The following ADAMTSL3 variants were observed in gnomAD, a reference collection of about 807,000 sequenced individuals.
The protein encoded by ADAMTSL3 is ADAMTS like 3, also known as ADAMTS-like protein 3.
In ADAMTSL3, 128 loss-of-function variants were observed where a neutral mutation model predicts 201.7. That is an observed-to-expected ratio of 0.63 (90% CI 0.55 to 0.73). The LOEUF is 0.73. Ranked by LOEUF, ADAMTSL3 falls within the 30% of genes least tolerant of loss-of-function variation. ADAMTSL3 has a pLI of 0.00. For missense variants in ADAMTSL3, 1,990 were observed against 2,119.6 expected (o/e 0.94, Z 1.20); for synonymous variants, 738 against 748.4 (o/e 0.99, Z 0.23).
Position 83,693,903 on chromosome 15 carries a change from A to G in ADAMTSL3, c.70-10486A>G, listed in dbSNP as rs573468817. 2.9e-3 allele frequency among the ~76,000 whole-genome samples: 446 copies of G among 152,008 alleles called. 1 individual carries two copies. Among genetic ancestry groups the G allele is most frequent in the African/African-American group, 0.01 (435 of 41,444 alleles). ...TGTGAACCCCAAGAATTAACCTAAC[A>G]CTCCATTCTTTTGAGATTCTCCCCC... On this transcript the variant is annotated intron_variant, in intron 2 of 29. Transcript: ENST00000286744.
intron 3 of ADAMTSL3, among the ~76,000 whole-genome samples, chr15:83,762,056 AT>A (rs11448050): frequency 1.0e-3 from 147 of 145,032 alleles, no homozygotes; most frequent in South Asian, 1.1e-3. Flanking sequence ...CCAGAATATG[AT>A]TTTTTTTTTT....
intron 3 of ADAMTSL3, among the ~76,000 whole-genome samples, chr15:83,728,080 A>G (rs1023160821): frequency 6.6e-6 from 1 of 151,894 alleles, no homozygotes; most frequent in Non-Finnish European, 1.5e-5. Context: ...TAATTGTTAT[A>G]TCCTCTTGGT....
chr15:83,942,257 T>C (rs1287582945), intron 17 of ADAMTSL3, among the ~76,000 whole-genome samples: 1 of 152,216 alleles, frequency 6.6e-6, no homozygotes, highest in Non-Finnish European at 1.5e-5. Flanking sequence ...TTGACACCTA[T>C]ATAAATCATC....
chr15:83,988,803 T>A lies in ADAMTSL3; in HGVS notation c.3829T>A (p.Ser1277Thr). The change falls in exon 22 of 30, where the codon TCT (serine) becomes ACT (threonine). Residue 1277 changes from serine (S) to threonine (T), a missense_variant. By Grantham distance (58) the Ser-to-Thr change is moderately conservative. Transcript: ENST00000286744. ...NHLGSDVESS[S>T]VLYAEAPVIL... ...TCTTGGTTCAGATGTGGAAAGTTCT[T>A]CTGTGCTGTATGCAGGTAATGCCCA... 1 of 1,597,462 alleles carries A rather than the reference T, an allele frequency of 6.3e-7. No individual in the cohort carries two copies. The highest frequency in any genetic ancestry group is 8.5e-7 in the Non-Finnish European group (1 of 1,170,338).
chr15:83,872,124 G>C (rs2065091898), intron 9 of ADAMTSL3, among the ~76,000 whole-genome samples: 1 of 152,068 alleles, frequency 6.6e-6, no homozygotes, highest in Non-Finnish European at 1.5e-5. Flanking sequence ...TTTGGATTTT[G>C]AATAATCAAC....
intron 2 of ADAMTSL3, among the ~76,000 whole-genome samples, chr15:83,688,751 TATATACAC>T (rs1403124680): frequency 2.6e-5 from 3 of 114,610 alleles, no homozygotes; most frequent in Admixed American, 8.9e-5. Flanking sequence ...CACATGCATA[TATATACAC>T]ACACACACAC....
intron 19 of ADAMTSL3, among the ~76,000 whole-genome samples, chr15:83,956,272 T>C (rs1191882928): frequency 6.6e-6 from 1 of 152,200 alleles, no homozygotes; most frequent in East Asian, 1.9e-4. Context: ...CTCCGTGCCA[T>C]GCAGCCACTG....
intron 19 of ADAMTSL3, among the ~76,000 whole-genome samples, chr15:83,963,004 C>T (rs931062855): frequency 9.9e-5 from 15 of 152,192 alleles, no homozygotes; most frequent in Admixed American, 9.2e-4. Flanking sequence ...ACACTTTTCC[C>T]ATGGTCTTTA....
chr15:83,685,804 C>G (rs1318929592), intron 2 of ADAMTSL3, among the ~76,000 whole-genome samples: 1 of 152,124 alleles, frequency 6.6e-6, no homozygotes, highest in Non-Finnish European at 1.5e-5. Context: ...TAAACTATGC[C>G]AAGCATCTAG....
intron 26 of ADAMTSL3, among the ~76,000 whole-genome samples, chr15:84,024,170 G>A (rs1205817888): frequency 6.6e-6 from 1 of 152,106 alleles, no homozygotes; most frequent in Non-Finnish European, 1.5e-5. Context: ...GCAGGAGAAT[G>A]GCGTGAACCC....
At chr15:83,935,343 GC>G (rs2066443062) in intron 17 of ADAMTSL3, among the ~76,000 whole-genome samples, 1 of 152,032 alleles carries the variant, frequency 6.6e-6, no homozygotes, top group Non-Finnish European at 1.5e-5. Context: ...CATGACTAGT[GC>G]ATTCACTTGT....
intron 3 of ADAMTSL3, among the ~76,000 whole-genome samples, chr15:83,772,621 C>T (rs943658488): frequency 1.2e-4 from 18 of 151,978 alleles, no homozygotes; most frequent in African/African-American, 4.1e-4. Context: ...CAGGAGGTTC[C>T]ACAAATCCTT....
intron 23 of ADAMTSL3, among the ~76,000 whole-genome samples, chr15:84,003,967 G>A (rs2067846674): frequency 6.6e-6 from 1 of 152,148 alleles, no homozygotes; most frequent in Non-Finnish European, 1.5e-5. Context: ...TCAACCCCCG[G>A]AAATAAGAAA....
chr15:83,716,042 T>C (rs971600318), intron 3 of ADAMTSL3, among the ~76,000 whole-genome samples: 1 of 152,196 alleles, frequency 6.6e-6, no homozygotes, highest in African/African-American at 2.4e-5. Flanking sequence ...TTTGTAATTA[T>C]TGACATGGAT....
At chr15:83,731,027 G>T (rs1166384167) in intron 3 of ADAMTSL3, among the ~76,000 whole-genome samples, 1 of 152,074 alleles carries the variant, frequency 6.6e-6, no homozygotes, top group Non-Finnish European at 1.5e-5. Flanking sequence ...TTATTGAAGA[G>T]ACTATCCTTT....
chr15:83,674,738 C>T (rs11852433), intron 2 of ADAMTSL3, among the ~76,000 whole-genome samples: 6,334 of 29,670 alleles, frequency 0.21, 138 homozygotes, highest in East Asian at 0.38. Context: ...TATATACACA[C>T]ATATATACAT....
chr15:83,655,423 G>T (rs913419267), intron 1 of ADAMTSL3, among the ~76,000 whole-genome samples: 35 of 152,306 alleles, frequency 2.3e-4, no homozygotes, highest in African/African-American at 8.2e-4. Context: ...TGAGTCAAAT[G>T]CCAATAGCGA....
At chr15:83,917,525 C>T (rs2066058962) in intron 16 of ADAMTSL3, among the ~76,000 whole-genome samples, 1 of 152,120 alleles carries the variant, frequency 6.6e-6, no homozygotes, top group Admixed American at 6.5e-5. Flanking sequence ...TGTGCACACA[C>T]ATACTCATGT....
intron 19 of ADAMTSL3, among the ~76,000 whole-genome samples, chr15:83,956,242 C>T (rs1411222976): frequency 6.6e-6 from 1 of 152,206 alleles, no homozygotes; most frequent in Non-Finnish European, 1.5e-5. Flanking sequence ...CTCTCCCTCC[C>T]TGAAGTGCAC....
Sources: gnomAD v4.1 joint callset for allele counts (sites outside exome capture counted in the v4.1 genomes callset) on GRCh38, gnomAD v4.1.1 for gene constraint, MANE v1.5 for transcripts, NCBI Gene and HGNC (gene_info 2026-07-23, HGNC 2026-07-21) for gene names.